Variants in BRAF observed in about 807,000 individuals in gnomAD.
The protein encoded by BRAF is B-Raf proto-oncogene, serine/threonine kinase.
BRAF carries 16 observed loss-of-function variants against 104.6 expected under a neutral mutation model. The ratio of observed to expected loss-of-function variants is 0.15; its 90% CI spans 0.10 to 0.23. The LOEUF is 0.23. Among genes scored for constraint, BRAF ranks in the 10% least tolerant of loss-of-function variants. BRAF has a pLI of 1.00. For missense variants in BRAF, 541 were observed against 937.3 expected (o/e 0.58, Z 5.52); for synonymous variants, 310 against 341.6 (o/e 0.91, Z 1.02).
At chr7:140,918,966 CGT>C (rs1817914931) in intron 1 of BRAF, among the ~76,000 whole-genome samples, 1 of 151,550 alleles carries the variant, frequency 6.6e-6, no homozygotes, top group Non-Finnish European at 1.5e-5. Context: ...GGTGAAACCC[CGT>C]CTCTACTAAA....
chr7:140,904,977 G>A (rs936019544), intron 1 of BRAF, among the ~76,000 whole-genome samples: 2 of 152,146 alleles, frequency 1.3e-5, no homozygotes, highest in African/African-American at 4.8e-5. Context: ...TATTGATAGA[G>A]ATCTTTAATG....
chr7:140,900,585 T>C (rs1340750986), intron 1 of BRAF, among the ~76,000 whole-genome samples: 1 of 152,192 alleles, frequency 6.6e-6, no homozygotes, highest in African/African-American at 2.4e-5. Context: ...TTGTTATTCA[T>C]CTCCTCTTTC....
rs1491354147 is a variant in BRAF at position 140,884,427 on chromosome 7, A to ATGTG, written c.139-34216_139-34215insCACA. 1.9e-3 allele frequency among the ~76,000 whole-genome samples: 213 copies of ATGTG among 114,658 alleles called. 1 individual carries two copies. The highest frequency in any genetic ancestry group is 5.5e-3 in the African/African-American group (172 of 31,034). The allele number at this position is 114,658 out of a possible 152,430, so 75.2% of individuals were successfully genotyped here. A position where few individuals can be genotyped will look rare whatever the true frequency, so the allele number is the denominator to read the frequency against. On this transcript the variant is annotated intron_variant, in intron 1 of 19. Transcript: ENST00000644969. ...TCAGGATCTCTTATATATATATAAG[A>ATGTG]TATGTGTGTGTGTGTGTGTGTGTGT...
intron 2 of BRAF, 85 bp downstream of exon 2, chr7:140,850,026 A>C: frequency 2.0e-6 from 2 of 1,023,968 alleles, no homozygotes; most frequent in East Asian, 2.4e-5. Context: ...ACCTCCTAAA[A>C]TAATCAAGAT....
intron 4 of BRAF, 23 bp downstream of exon 4, chr7:140,808,869 T>G: frequency 1.3e-6 from 2 of 1,580,988 alleles, no homozygotes; most frequent in Non-Finnish European, 1.7e-6. Context: ...TAAACAAAAT[T>G]TCACGTCACA....
At chr7:140,865,777 A>C (rs937531028) in intron 1 of BRAF, among the ~76,000 whole-genome samples, 1 of 152,224 alleles carries the variant, frequency 6.6e-6, no homozygotes, top group Non-Finnish European at 1.5e-5. Context: ...GCCTGGCAGA[A>C]GGTGAGAAGT....
In BRAF at chr7:140,767,146, G is replaced by C. The variant is rs565273778; in HGVS notation, c.1814+9766C>G. 2.6e-5 allele frequency among the ~76,000 whole-genome samples: 4 copies of C among 152,128 alleles called. No individual in the cohort carries two copies. In the East Asian group the frequency reaches 5.8e-4, roughly 22 times the overall value. ...AGCTTCCCAAGTAGCTGGGACCACA[G>C]GCACAGACCACCACGCCTGGCTAAT... is the stretch of plus-strand genomic sequence containing the variant. On this transcript the variant is annotated intron_variant, in intron 14 of 19. Coordinates refer to ENST00000644969, the MANE Select transcript of BRAF (RefSeq NM_001374258.1).
chr7:140,769,755 C>T (rs181883519), intron 14 of BRAF, among the ~76,000 whole-genome samples: 1 of 152,118 alleles, frequency 6.6e-6, no homozygotes, highest in Admixed American at 6.6e-5. Context: ...TTAAGTTTTA[C>T]ATAGAGTCAG....
In BRAF at chr7:140,924,021, G is replaced by A. The variant is rs1404075888; in HGVS notation, c.138+545C>T. 2.0e-5 allele frequency among the ~76,000 whole-genome samples: 3 copies of A among 152,126 alleles called. No homozygotes were observed. Among genetic ancestry groups the A allele is most frequent in the Non-Finnish European group, 4.4e-5 (3 of 68,036 alleles). ...TCAAAATAATTTGCTGGGTAAAACAGGTGAAGAGAAATCCCCAAATAGAAA... is the reference window on the plus strand; with the variant it reads ...TCAAAATAATTTGCTGGGTAAAACAAGTGAAGAGAAATCCCCAAATAGAAA... On this transcript the variant is annotated intron_variant, in intron 1 of 19. Transcript: ENST00000644969. The surrounding 1 kb of genome is among the most constrained non-coding windows in gnomAD (Gnocchi z 4.2).
chr7:140,815,203 T>C (rs1227950711), intron 3 of BRAF, among the ~76,000 whole-genome samples: 1 of 151,640 alleles, frequency 6.6e-6, no homozygotes, highest in African/African-American at 2.4e-5. Context: ...AGTGGCGTGA[T>C]CTCAGCTCAC....
rs186356477 is a variant in BRAF at position 140,903,745 on chromosome 7, G to C, written c.138+20821C>G. On this transcript the variant is annotated intron_variant, in intron 1 of 19. Transcript: ENST00000644969. ...CATAAAGAACATTTGTAATTCATGGGAGGAGGTAAAACTGGCAACATTAAC... is the reference window on the plus strand; with the variant it reads ...CATAAAGAACATTTGTAATTCATGGCAGGAGGTAAAACTGGCAACATTAAC... Among the ~76,000 whole-genome samples, 124 of 152,326 alleles carry C rather than the reference G, an allele frequency of 8.1e-4. 2 individuals carry two copies. In the East Asian group the frequency reaches 0.022, roughly 27 times the overall value.
intron 2 of BRAF, among the ~76,000 whole-genome samples, chr7:140,841,224 AC>A (rs528546837): frequency 9.1e-4 from 139 of 152,344 alleles, no homozygotes; most frequent in African/African-American, 2.7e-3. Flanking sequence ...AATTAAAAAA[AC>A]AAATAGATAA....
intron 14 of BRAF, among the ~76,000 whole-genome samples, chr7:140,765,273 C>T (rs1799192735): frequency 6.6e-6 from 1 of 152,112 alleles, no homozygotes; most frequent in East Asian, 1.9e-4. Context: ...TGGATCCCTT[C>T]CTTACACCTT....
intron 1 of BRAF, among the ~76,000 whole-genome samples, chr7:140,880,805 A>T (rs78192580): frequency 2.5e-5 from 2 of 79,090 alleles, no homozygotes; most frequent in Non-Finnish European, 4.3e-5. Flanking sequence ...TGTCTCTATT[A>T]AAAAAAAAAA....
intron 3 of BRAF, among the ~76,000 whole-genome samples, chr7:140,811,173 T>C (rs906481213): frequency 6.6e-6 from 1 of 152,172 alleles, no homozygotes; most frequent in African/African-American, 2.4e-5. Flanking sequence ...GACTGACTGA[T>C]GAAAATGTGA....
At chr7:140,718,077 TCA>T (rs1795174821), downstream of BRAF, among the ~76,000 whole-genome samples, 1 of 152,126 alleles carries the variant, frequency 6.6e-6, no homozygotes, top group South Asian at 2.1e-4. Flanking sequence ...CATATTATTC[TCA>T]GACATAAGGA....
intron 1 of BRAF, among the ~76,000 whole-genome samples, chr7:140,921,813 A>C (rs62863362): frequency 1.7e-4 from 25 of 149,708 alleles, no homozygotes; most frequent in African/African-American, 5.5e-4. Flanking sequence ...AAAAAAAAAA[A>C]CCTACATTTT....
chr7:140,752,000 T>C (rs1797830091), intron 16 of BRAF, among the ~76,000 whole-genome samples: 1 of 152,198 alleles, frequency 6.6e-6, no homozygotes, highest in African/African-American at 2.4e-5. Flanking sequence ...TCTTAAAAAT[T>C]ATTGAGGATG....
chr7:140,894,206 A>G (rs758361310), intron 1 of BRAF, among the ~76,000 whole-genome samples: 12 of 152,212 alleles, frequency 7.9e-5, no homozygotes, highest in Non-Finnish European at 1.3e-4. Context: ...TAAAAAGACC[A>G]CTTCAGAAAT....
Sources: allele counts gnomAD v4.1 joint callset (sites outside exome capture counted in the v4.1 genomes callset), GRCh38; gene constraint gnomAD v4.1.1; non-coding constraint Gnocchi (gnomAD v3.1); transcripts MANE v1.5; gene names NCBI Gene and HGNC (gene_info 2026-07-23, HGNC 2026-07-21).